TFDP1: variants seen among roughly 807,000 people sequenced by gnomAD.
TFDP1 encodes transcription factor Dp-1, also known as DRTF1-polypeptide 1.
TFDP1 carries 6 observed loss-of-function variants against 48.0 expected under a neutral mutation model. That is an observed-to-expected ratio of 0.13 (90% CI 0.07 to 0.25). The LOEUF (loss-of-function observed/expected upper bound fraction) is 0.25, where lower values mean the gene tolerates loss of function less well. Ranked by LOEUF, TFDP1 falls within the 10% of genes least tolerant of loss-of-function variation. The pLI is 1.00. For missense variants in TFDP1, 335 were observed against 543.0 expected, an observed-to-expected ratio of 0.62 and a Z score of 3.81; for synonymous variants, 201 against 211.6, an observed-to-expected ratio of 0.95 and a Z score of 0.44.
Position 113,584,871 on chromosome 13 carries a change from G to C in TFDP1, c.-82G>C, listed in dbSNP as rs2140237874. The C allele has an allele frequency of 6.8e-6, 1 of 146,422 alleles. No homozygotes were observed. Among genetic ancestry groups the C allele is most frequent in the East Asian group, 2.0e-4 (1 of 5,038 alleles). 9.1% of individuals were successfully genotyped at this position (146,422 alleles called of 1,614,324 possible). On this transcript the variant is annotated 5_prime_UTR_variant, in exon 1 of 12. Coordinates refer to ENST00000375370, the MANE Select transcript of TFDP1 (RefSeq NM_007111.5). Reference sequence around the variant, plus strand: ...CCCTCTCCGCGTCCCCGCCCGCGCGGCCGGACCGGGCAGCCAGGTGCGGGT... The same window carrying C: ...CCCTCTCCGCGTCCCCGCCCGCGCGCCCGGACCGGGCAGCCAGGTGCGGGT...
Position 113,633,325 on chromosome 13 carries a change from G to A in TFDP1, c.474+40G>A, listed in dbSNP as rs779759552. ...GGGGCCGAGAGGCTGGGGTGGCGGA[G>A]CCCAGCGGTGTGGTACGTTTCGCTC... On this transcript the variant is annotated intron_variant, in intron 6 of 11. Transcript: ENST00000375370. The surrounding 1 kb of genome is among the most constrained non-coding windows in gnomAD (Gnocchi z 4.5). 11 of 1,556,474 alleles carry A rather than the reference G, an allele frequency of 7.1e-6. No homozygotes were observed. Among genetic ancestry groups the A allele is most frequent in the Non-Finnish European group, 9.7e-6 (11 of 1,132,800 alleles).
rs3076650 is a variant in TFDP1, at chr13:113,630,155, GCACA to G, written c.187-1444_187-1441del. ...TCCCACGTGGCCCAGTGCCCCAGCA[GCACA>G]CACACACACACACACACACACACGC... is the stretch of plus-strand genomic sequence containing the variant. On this transcript the variant is annotated intron_variant, in intron 4 of 11. Coordinates refer to ENST00000375370, the MANE Select transcript of TFDP1 (RefSeq NM_007111.5). Among the ~76,000 whole-genome samples the G allele has an allele frequency of 7.6e-3, 1,130 of 149,208 alleles. 15 individuals carry two copies. The highest frequency in any genetic ancestry group is 0.025 in the African/African-American group (1,038 of 40,722).
Position 113,610,856 on chromosome 13 carries a change from C to G in TFDP1, c.13-140C>G. On this transcript the variant is annotated intron_variant, in intron 2 of 11. Transcript: ENST00000375370. ...GGACCTGGCGTTCTCCTGGTTGTTCCTGGAGTTGCTTGCTTAACTGTGGTC... is the reference window on the plus strand; with the variant it reads ...GGACCTGGCGTTCTCCTGGTTGTTCGTGGAGTTGCTTGCTTAACTGTGGTC... 5.4e-6 allele frequency: 4 copies of G among 745,308 alleles called. No homozygotes were observed. The South Asian group carries it at 6.9e-5, about 13-fold the overall frequency. 46.2% of individuals were successfully genotyped at this position (745,308 alleles called of 1,614,324 possible).
At chr13:113,588,446 G>A (rs112312361) in intron 2 of TFDP1, among the ~76,000 whole-genome samples, 188 of 152,364 alleles carry the variant, frequency 1.2e-3, no homozygotes, top group African/African-American at 4.2e-3. Flanking sequence ...CTCAAGTAGG[G>A]CACAGGGAGA....
At chr13:113,611,747 T>G (rs945608294) in intron 3 of TFDP1, among the ~76,000 whole-genome samples, 12 of 152,254 alleles carry the variant, frequency 7.9e-5, no homozygotes, top group Non-Finnish European at 1.6e-4. Flanking sequence ...TGTGCGATGC[T>G]TGGCCCCTCG....
chr13:113,615,998 C>T (rs1197700312), intron 3 of TFDP1, among the ~76,000 whole-genome samples: 1 of 151,954 alleles, frequency 6.6e-6, no homozygotes, highest in Non-Finnish European at 1.5e-5. Context: ...AGGTCAGGAG[C>T]TCAAGACCAG....
chr13:113,585,088 G>A (rs1289384474), intron 1 of TFDP1, among the ~76,000 whole-genome samples, 200 bp downstream of exon 1: 4 of 146,834 alleles, frequency 2.7e-5, no homozygotes, highest in Admixed American at 6.8e-5. Context: ...AGGTGACCGC[G>A]GGGCGGGGGT....
intron 2 of TFDP1, among the ~76,000 whole-genome samples, chr13:113,609,908 G>A (rs2048665543): frequency 1.3e-5 from 2 of 152,346 alleles, no homozygotes; most frequent in South Asian, 4.1e-4. Flanking sequence ...CTGCCAGCAC[G>A]CCACTCCCAG....
chr13:113,585,110 C>T (rs2047964994), intron 1 of TFDP1, among the ~76,000 whole-genome samples: 1 of 146,840 alleles, frequency 6.8e-6, no homozygotes, highest in South Asian at 2.1e-4. Context: ...CCGGGCCCGG[C>T]CCTCCCGGCC....
At chr13:113,591,413 T>C (rs2048143727) in intron 2 of TFDP1, among the ~76,000 whole-genome samples, 1 of 152,034 alleles carries the variant, frequency 6.6e-6, no homozygotes, top group Admixed American at 6.5e-5. Context: ...GAACATCTGG[T>C]ATAAAATTCA....
At chr13:113,586,873 G>C (rs2048018309) in intron 2 of TFDP1, among the ~76,000 whole-genome samples, 1 of 152,238 alleles carries the variant, frequency 6.6e-6, no homozygotes, top group Admixed American at 6.5e-5. Flanking sequence ...ATCTGGCTGT[G>C]CTGCGAGACT....
intron 2 of TFDP1, among the ~76,000 whole-genome samples, chr13:113,586,982 C>T (rs1268891719): frequency 1.3e-5 from 2 of 152,228 alleles, no homozygotes; most frequent in African/African-American, 4.8e-5. Context: ...AGCGCGCAAG[C>T]CATGTTCATT....
intron 4 of TFDP1, among the ~76,000 whole-genome samples, chr13:113,630,185 G>A (rs899727972): frequency 9.4e-5 from 14 of 149,720 alleles, no homozygotes; most frequent in East Asian, 3.9e-4. Context: ...ACACACACGC[G>A]TATTGAACAA....
chr13:113,614,030 G>A (rs529168808), intron 3 of TFDP1, among the ~76,000 whole-genome samples: 38 of 115,838 alleles, frequency 3.3e-4, no homozygotes, highest in African/African-American at 1.2e-3. Context: ...GTGTGCGTGC[G>A]TTTGTGAGTT....
At chr13:113,612,990 G>A (rs1015206833) in intron 3 of TFDP1, among the ~76,000 whole-genome samples, 2 of 150,004 alleles carry the variant, frequency 1.3e-5, no homozygotes, top group Non-Finnish European at 3.0e-5. Context: ...CTCACCTGGT[G>A]TTGATTCCAC....
chr13:113,618,083 A>G (rs957020137), intron 3 of TFDP1, among the ~76,000 whole-genome samples: 12 of 152,222 alleles, frequency 7.9e-5, no homozygotes, highest in African/African-American at 2.9e-4. Context: ...TATTATTTCT[A>G]TTGAGTTGGC....
intron 3 of TFDP1, among the ~76,000 whole-genome samples, chr13:113,620,084 G>T (rs567165011): frequency 6.6e-6 from 1 of 152,294 alleles, no homozygotes; most frequent in African/African-American, 2.4e-5. Flanking sequence ...CCAGCCTCAC[G>T]GTGCTGGCCT....
intron 2 of TFDP1, among the ~76,000 whole-genome samples, chr13:113,608,016 C>T (rs902394142): frequency 6.6e-6 from 1 of 152,182 alleles, no homozygotes; most frequent in Admixed American, 6.5e-5. Flanking sequence ...TTTACAGACA[C>T]GAGCGTCACA....
rs548537627 is a variant in TFDP1 at position 113,594,562 on chromosome 13, C to A, written c.12+8713C>A. ...CTGTGTGTGGGTCCTCTGCCCTGCCCAGGTGATAGGTGTGGTGTGCATGAG... is the reference window on the plus strand; with the variant it reads ...CTGTGTGTGGGTCCTCTGCCCTGCCAAGGTGATAGGTGTGGTGTGCATGAG... On this transcript the variant is annotated intron_variant, in intron 2 of 11. Transcript: ENST00000375370. 2.6e-5 allele frequency among the ~76,000 whole-genome samples: 4 copies of A among 152,198 alleles called. No homozygotes were observed. In the South Asian group the frequency reaches 8.3e-4, roughly 32 times the overall value.
Sources: gnomAD v4.1 joint callset for allele counts (sites outside exome capture counted in the v4.1 genomes callset) on GRCh38, gnomAD v4.1.1 for gene constraint, Gnocchi (gnomAD v3.1) non-coding constraint, MANE v1.5 for transcripts, NCBI Gene and HGNC (gene_info 2026-07-23, HGNC 2026-07-21) for gene names.